SIMC1: variants seen among roughly 807,000 people sequenced by gnomAD.
The protein encoded by SIMC1 is SUMO-interacting motif-containing protein 1.
A neutral mutation model predicts 82.3 loss-of-function variants in SIMC1; 55 were observed. The ratio of observed to expected loss-of-function variants is 0.67; its 90% CI spans 0.54 to 0.84. SIMC1 has a LOEUF of 0.84. SIMC1 is among the 40% of genes least tolerant of loss of function. The pLI is 0.00. For synonymous variants in SIMC1, 353 were observed against 426.3 expected, an observed-to-expected ratio of 0.83 and a Z score of 2.12; for missense variants, 915 against 1,107.2, an observed-to-expected ratio of 0.83 and a Z score of 2.46.
intron 5 of SIMC1, among the ~76,000 whole-genome samples, chr5:176,321,867 T>C (rs954027386): frequency 8.6e-5 from 13 of 150,890 alleles, no homozygotes; most frequent in Non-Finnish European, 1.5e-4. Flanking sequence ...CAAAGAAAAA[T>C]GTTGATATTT....
chr5:176,296,477 A>G, intron 4 of SIMC1, 157 bp downstream of exon 4: 1 of 1,070,428 alleles, frequency 9.3e-7, no homozygotes, highest in Non-Finnish European at 1.3e-6. Context: ...CAGCCTGGGC[A>G]ACAAAATGAG....
At chr5:176,328,256 A>G (rs1244574479) in intron 7 of SIMC1, among the ~76,000 whole-genome samples, 1 of 152,144 alleles carries the variant, frequency 6.6e-6, no homozygotes, top group East Asian at 1.9e-4. Flanking sequence ...ATAATATTAT[A>G]TTAAATATAC....
At chr5:176,289,528 T>C in intron 1 of SIMC1, 126 bp from the exon 2 acceptor site, 1 of 725,030 alleles carries the variant, frequency 1.4e-6, no homozygotes, top group East Asian at 2.7e-5. Flanking sequence ...TTACACAAGA[T>C]GTGTAACTTA....
In SIMC1 at chr5:176,308,346, G is replaced by A. The variant is rs529056259; in HGVS notation, c.1735-5345G>A. 3 of 1,523,702 alleles carry A rather than the reference G, an allele frequency of 2.0e-6. No individual in the cohort carries two copies. The African/African-American group carries it at 4.1e-5, about 21-fold the overall frequency. 94.4% of individuals were successfully genotyped at this position (1,523,702 alleles called of 1,614,324 possible). A position where few individuals can be genotyped will look rare whatever the true frequency, so the allele number is the denominator to read the frequency against. On this transcript the variant is annotated intron_variant, in intron 4 of 9. Coordinates refer to ENST00000429602, the MANE Select transcript of SIMC1 (RefSeq NM_001308195.2). ...GAAGGACCAAGTAGAAATTTCACCA[G>A]GGCAGCTGTCTGCAGCTTCAACAGA...
rs1279260780 is a variant in SIMC1, at chr5:176,289,691, C to CA, written c.171dup (p.Asp58ArgfsTer9). The CA allele has an allele frequency of 1.9e-6, 3 of 1,611,222 alleles. No homozygotes were observed. Among genetic ancestry groups the CA allele is most frequent in the Non-Finnish European group, 2.5e-6 (3 of 1,178,786 alleles). ...TTAACTAGAGAGACCAGACCAAGGA[C>CA]AAAAGATCGCAGTGGACTGTATGTG... On this transcript the variant is annotated frameshift_variant, in exon 2 of 10. Coordinates refer to ENST00000429602, the MANE Select transcript of SIMC1 (RefSeq NM_001308195.2). LOFTEE classifies it high-confidence loss of function.
chr5:176,303,325 A>AAT (rs1764124667), intron 4 of SIMC1, among the ~76,000 whole-genome samples: 1 of 123,180 alleles, frequency 8.1e-6, no homozygotes, highest in Non-Finnish European at 1.6e-5. Flanking sequence ...AGCCAAAGCA[A>AAT]TTTTTTTTTT....
At chr5:176,343,184 C>T (rs1053188695) in intron 9 of SIMC1, among the ~76,000 whole-genome samples, 11 of 152,150 alleles carry the variant, frequency 7.2e-5, no homozygotes, top group Non-Finnish European at 1.0e-4. Flanking sequence ...AAAATGTAAC[C>T]TGATAAACCG....
intron 8 of SIMC1, 90 bp from the exon 9 acceptor site, chr5:176,336,968 CTGTT>C: frequency 1.9e-6 from 3 of 1,598,398 alleles, no homozygotes; most frequent in South Asian, 1.1e-5. Flanking sequence ...TAAAACACAA[CTGTT>C]TGAGCATTCT....
At chr5:176,310,173 A>C (rs928013945) in intron 4 of SIMC1, among the ~76,000 whole-genome samples, 1 of 152,218 alleles carries the variant, frequency 6.6e-6, no homozygotes, top group African/African-American at 2.4e-5. Context: ...ATGAGGATAC[A>C]AACTGGATAT....
chr5:176,288,419 G>GAATA (rs780754339), intron 1 of SIMC1, among the ~76,000 whole-genome samples: 5,125 of 104,256 alleles, frequency 0.049, 140 homozygotes, highest in Non-Finnish European at 0.083. Flanking sequence ...AAGAATGAAT[G>GAATA]AATGAATAAA....
At chr5:176,246,407 GGTGTGTGTGTGTGTGTGT>G (rs57262987) in intron 1 of SIMC1, among the ~76,000 whole-genome samples, 10 of 137,060 alleles carry the variant, frequency 7.3e-5, no homozygotes, top group African/African-American at 1.1e-4. Flanking sequence ...ATAGTTCAGG[GGTGTGTGTGTGTGTGTGT>G]GTGTGTGTGT....
chr5:176,308,428 A>G (rs1053770624), intron 4 of SIMC1: 2 of 1,607,664 alleles, frequency 1.2e-6, no homozygotes, highest in African/African-American at 2.7e-5. Flanking sequence ...GGCTGGTATC[A>G]TTCCCATCCT....
chr5:176,285,000 A>G (rs1763200354), intron 1 of SIMC1, among the ~76,000 whole-genome samples: 1 of 152,174 alleles, frequency 6.6e-6, no homozygotes, highest in African/African-American at 2.4e-5. Flanking sequence ...AGACGGATTC[A>G]CAGCCAAATT....
intron 1 of SIMC1, among the ~76,000 whole-genome samples, chr5:176,268,093 T>C (rs1413404560): frequency 1.4e-5 from 2 of 138,900 alleles, no homozygotes; most frequent in Non-Finnish European, 3.1e-5. Flanking sequence ...TAAAGTACAC[T>C]GGAATAAATT....
chr5:176,255,677 T>A (rs1761830201), intron 1 of SIMC1, among the ~76,000 whole-genome samples: 1 of 146,434 alleles, frequency 6.8e-6, no homozygotes, highest in Admixed American at 6.9e-5. Context: ...AAATTTTACT[T>A]CAGAAAATAT....
At chr5:176,291,276 A>G (rs1485803251) in intron 2 of SIMC1, among the ~76,000 whole-genome samples, 3 of 134,168 alleles carry the variant, frequency 2.2e-5, no homozygotes, top group Non-Finnish European at 3.1e-5. Flanking sequence ...AGTTTCTTCT[A>G]CCTCAGCCTC....
intron 4 of SIMC1, among the ~76,000 whole-genome samples, chr5:176,312,919 C>T (rs1764727551): frequency 6.6e-6 from 1 of 152,178 alleles, no homozygotes; most frequent in South Asian, 2.1e-4. Flanking sequence ...AGGTACTTAA[C>T]ACTGTCTTTG....
intron 1 of SIMC1, among the ~76,000 whole-genome samples, chr5:176,265,605 G>A (rs2113158782): frequency 6.6e-6 from 1 of 152,156 alleles, no homozygotes; most frequent in East Asian, 1.9e-4. Flanking sequence ...TAATTAGGAG[G>A]CCTGTTGGAG....
chr5:176,262,374 A>G (rs1762045331), intron 1 of SIMC1, among the ~76,000 whole-genome samples: 1 of 152,128 alleles, frequency 6.6e-6, no homozygotes, highest in Non-Finnish European at 1.5e-5. Flanking sequence ...CCTGCCACTA[A>G]TATCATACCT....
Sources: allele counts gnomAD v4.1 joint callset (sites outside exome capture counted in the v4.1 genomes callset), GRCh38; gene constraint gnomAD v4.1.1; transcripts MANE v1.5; gene names NCBI Gene and HGNC (gene_info 2026-07-23, HGNC 2026-07-21).